NRG4: variants seen among roughly 807,000 people sequenced by gnomAD.
NRG4 encodes the protein neuregulin 4, also known as pro-neuregulin-4, membrane-bound isoform.
NRG4 carries 10 observed loss-of-function variants against 15.0 expected under a neutral mutation model. The observed-to-expected ratio is 0.67, with a 90% CI of 0.41 to 1.13. NRG4 has a LOEUF of 1.13. NRG4 is among the 50% of genes most tolerant of loss of function. NRG4 has a pLI of 0.00. For synonymous variants in NRG4, 41 were observed against 50.1 expected, an observed-to-expected ratio of 0.82 and a Z score of 0.77; for missense variants, 139 against 140.2, an observed-to-expected ratio of 0.99 and a Z score of 0.04.
intron 5 of NRG4, chr15:76,035,810 G>A (rs2035584731): frequency 6.6e-6 from 1 of 152,160 alleles, no homozygotes; most frequent in Admixed American, 6.5e-5. Context: ...GGGCCCTGGG[G>A]TGGAGGCTAT....
intron 5 of NRG4, 118 bp downstream of exon 5, chr15:75,955,809 ACCCAT>A: frequency 2.1e-6 from 1 of 467,292 alleles, no homozygotes; most frequent in Non-Finnish European, 3.7e-6. Context: ...AAAAAAAAAA[ACCCAT>A]AGAAAAGTTT....
Position 75,972,139 on chromosome 15 carries a change from A to G in NRG4, c.105-10165T>C, listed in dbSNP as rs189423117. On this transcript the variant is annotated intron_variant, in intron 3 of 5. Coordinates refer to ENST00000394907, the MANE Select transcript of NRG4 (RefSeq NM_138573.4). ...GACCAGTGATGATGAGCCTTTTTTC[A>G]TATGTTTGTTGGCCACATAAATGTC... is the stretch of plus-strand genomic sequence containing the variant. 2.1e-3 allele frequency among the ~76,000 whole-genome samples: 317 copies of G among 152,078 alleles called. 1 individual carries two copies. The highest frequency in any genetic ancestry group is 3.5e-3 in the Non-Finnish European group (241 of 67,986).
intron 3 of NRG4, among the ~76,000 whole-genome samples, chr15:75,980,383 A>ATTTTTTTTTTTTTTTTTT (rs5813815): frequency 7.0e-6 from 1 of 142,294 alleles, no homozygotes. Context: ...TTCTTTGGGG[A>ATTTTTTTTTTTTTTTTTT]TTTTTTTTTT....
chr15:76,003,236 A>G (rs138813654), intron 3 of NRG4, among the ~76,000 whole-genome samples: 1 of 152,308 alleles, frequency 6.6e-6, no homozygotes, highest in East Asian at 1.9e-4. Flanking sequence ...GAAAACTTTC[A>G]AAGGATATTA....
chr15:75,959,823 C>T (rs2032428723), intron 4 of NRG4, among the ~76,000 whole-genome samples: 1 of 152,106 alleles, frequency 6.6e-6, no homozygotes. Flanking sequence ...CTCCTGCTGG[C>T]TAGTGAGTTA....
chr15:76,032,495 A>G (rs749023826), intron 5 of NRG4, among the ~76,000 whole-genome samples: 36 of 152,252 alleles, frequency 2.4e-4, no homozygotes, highest in Non-Finnish European at 3.8e-4. Flanking sequence ...ACTTCAGACT[A>G]CTTTTCTAGG....
intron 5 of NRG4, among the ~76,000 whole-genome samples, chr15:75,945,339 C>T (rs183968539): frequency 1.3e-5 from 2 of 151,772 alleles, no homozygotes; most frequent in African/African-American, 2.4e-5. Flanking sequence ...CTGCAACCTC[C>T]GCTCGGGTTC....
chr15:76,022,535 G>GAA (rs2035189941), intron 5 of NRG4, among the ~76,000 whole-genome samples: 4 of 152,066 alleles, frequency 2.6e-5, no homozygotes, highest in Admixed American at 6.6e-5. Flanking sequence ...AGATGAATGA[G>GAA]CATTTCAGAC....
chr15:75,991,082 T>C (rs918638433), intron 3 of NRG4, among the ~76,000 whole-genome samples: 4 of 152,190 alleles, frequency 2.6e-5, no homozygotes, highest in Middle Eastern at 3.2e-3. Flanking sequence ...AGACATCTTG[T>C]TAGTTATTTC....
At chr15:76,024,215 G>A (rs988485377) in intron 5 of NRG4, among the ~76,000 whole-genome samples, 1 of 152,228 alleles carries the variant, frequency 6.6e-6, no homozygotes, top group Non-Finnish European at 1.5e-5. Flanking sequence ...GGCTGACTGA[G>A]TAGCTGTATG....
At chr15:75,971,155 T>A in intron 3 of NRG4, 1 of 411,060 alleles carries the variant, frequency 2.4e-6, no homozygotes, top group Non-Finnish European at 4.8e-6. Flanking sequence ...CATTTCAACA[T>A]GTTTGATTAC....
chr15:76,037,870 T>C (rs2141949597), intron 4 of NRG4, among the ~76,000 whole-genome samples: 1 of 151,134 alleles, frequency 6.6e-6, no homozygotes, highest in Non-Finnish European at 1.5e-5. Context: ...GAGGGAAGAG[T>C]AAAGAGGAAT....
At chr15:75,957,172 A>G (rs1403569138) in intron 4 of NRG4, among the ~76,000 whole-genome samples, 1 of 152,202 alleles carries the variant, frequency 6.6e-6, no homozygotes, top group Non-Finnish European at 1.5e-5. Flanking sequence ...ACTATGTTAT[A>G]ATTTATACAA....
chr15:75,940,530 C>T (rs546556803), downstream of NRG4: 1 of 151,500 alleles, frequency 6.6e-6, no homozygotes, highest in South Asian at 2.1e-4. Flanking sequence ...CCCAAATAGC[C>T]AAGTCAGTCT....
chr15:75,991,443 C>G (rs922960934), intron 3 of NRG4, among the ~76,000 whole-genome samples: 1 of 152,182 alleles, frequency 6.6e-6, no homozygotes, highest in Non-Finnish European at 1.5e-5. Flanking sequence ...GTTTGCTGAT[C>G]TTTGCCCTAT....
At chr15:75,981,885 C>G (rs553189644) in intron 3 of NRG4, among the ~76,000 whole-genome samples, 37 of 151,482 alleles carry the variant, frequency 2.4e-4, no homozygotes, top group African/African-American at 8.7e-4. Context: ...ATTTGAAAAC[C>G]TGGATGAATT....
At chr15:75,952,375 T>C (rs2031955168) in intron 5 of NRG4, among the ~76,000 whole-genome samples, 2 of 152,206 alleles carry the variant, frequency 1.3e-5, no homozygotes, top group Non-Finnish European at 2.9e-5. Context: ...CAGCATGTTG[T>C]TTTCAAAGTC....
intron 4 of NRG4, 67 bp from the exon 5 acceptor site, chr15:75,956,078 G>T: frequency 1.2e-6 from 1 of 802,206 alleles, no homozygotes; most frequent in South Asian, 1.5e-5. Flanking sequence ...AGAAGACCTA[G>T]AAAGAAAGTT....
At chr15:75,971,315 T>C (rs1040382371) in intron 3 of NRG4, 5 of 444,982 alleles carry the variant, frequency 1.1e-5, no homozygotes. Flanking sequence ...GAAGGTGATA[T>C]AGATCTATCC....
Sources: allele counts gnomAD v4.1 joint callset (sites outside exome capture counted in the v4.1 genomes callset), GRCh38; gene constraint gnomAD v4.1.1; transcripts MANE v1.5; gene names NCBI Gene and HGNC (gene_info 2026-07-23, HGNC 2026-07-21).